ARL8B: variants seen among roughly 807,000 people sequenced by gnomAD.
The protein encoded by ARL8B is ARF like GTPase 8B, also known as ADP-ribosylation factor-like protein 8B.
In ARL8B, 9 loss-of-function variants were observed where a neutral mutation model predicts 30.6. The ratio of observed to expected loss-of-function variants is 0.29; its 90% CI spans 0.18 to 0.51. The LOEUF (loss-of-function observed/expected upper bound fraction) is 0.51, where lower values mean the gene tolerates loss of function less well. Ranked by LOEUF, ARL8B falls within the 20% of genes least tolerant of loss-of-function variation. The probability of loss-of-function intolerance (pLI) is 0.97; values close to 1 mark genes in which losing one functional copy is unlikely to be tolerated. For missense variants in ARL8B, 130 were observed against 227.2 expected (o/e 0.57, Z 2.75); for synonymous variants, 74 against 76.0 (o/e 0.97, Z 0.14).
chr3:5,138,608 CAT>C (rs1414271736), intron 1 of ARL8B, among the ~76,000 whole-genome samples: 1 of 152,184 alleles, frequency 6.6e-6, no homozygotes, highest in Non-Finnish European at 1.5e-5. Flanking sequence ...GCAGTCATCA[CAT>C]GTGATTGAAA....
At chr3:5,169,984 A>G (rs1223178818) in intron 1 of ARL8B, among the ~76,000 whole-genome samples, 2 of 152,234 alleles carry the variant, frequency 1.3e-5, no homozygotes, top group Non-Finnish European at 2.9e-5. Context: ...ATAGCAGACA[A>G]TACTCATGAC....
At position 5,152,951 on chromosome 3, in the gene ARL8B, A is replaced by G. The variant is rs529049204; in HGVS notation, c.124-17552A>G. Among the ~76,000 whole-genome samples the G allele has an allele frequency of 7.2e-5, 11 of 152,310 alleles. No homozygotes were observed. In the South Asian group the frequency reaches 2.3e-3, roughly 32 times the overall value. Reference sequence around the variant, plus strand: ...AGTATTTAGTTCAAATAATCATTTAATTATTTGTTTTCTGTTCAGTGCCTT... The same window carrying G: ...AGTATTTAGTTCAAATAATCATTTAGTTATTTGTTTTCTGTTCAGTGCCTT... On this transcript the variant is annotated intron_variant, in intron 1 of 6. Coordinates refer to ENST00000256496, the MANE Select transcript of ARL8B (RefSeq NM_018184.3).
intron 1 of ARL8B, among the ~76,000 whole-genome samples, chr3:5,163,482 T>C (rs1258998273): frequency 6.6e-6 from 1 of 152,240 alleles, no homozygotes; most frequent in Non-Finnish European, 1.5e-5. Flanking sequence ...GGATTGTCCA[T>C]AGTGTTCTGA....
intron 1 of ARL8B, among the ~76,000 whole-genome samples, chr3:5,163,206 C>T (rs963219562): frequency 2.6e-5 from 4 of 151,876 alleles, no homozygotes; most frequent in Non-Finnish European, 5.9e-5. Context: ...AGGCTGGTCT[C>T]GAACTCTTGA....
At chr3:5,122,912 C>T (rs900650553) in intron 1 of ARL8B, among the ~76,000 whole-genome samples, 48 of 152,292 alleles carry the variant, frequency 3.2e-4, no homozygotes, top group African/African-American at 7.9e-4. Context: ...TGGGGTTTCC[C>T]TTGGGTTTGC....
chr3:5,140,583 A>T (rs535304834), intron 1 of ARL8B, among the ~76,000 whole-genome samples: 1 of 150,992 alleles, frequency 6.6e-6, no homozygotes, highest in Non-Finnish European at 1.5e-5. Flanking sequence ...CAAAATTTCA[A>T]CACGTTAGTC....
chr3:5,161,257 C>G (rs2054577795), intron 1 of ARL8B, among the ~76,000 whole-genome samples: 2 of 152,128 alleles, frequency 1.3e-5, no homozygotes, highest in South Asian at 2.1e-4. Flanking sequence ...TCCCATAAGG[C>G]AAATCTGATT....
At chr3:5,160,668 A>G (rs2054572890) in intron 1 of ARL8B, among the ~76,000 whole-genome samples, 1 of 152,238 alleles carries the variant, frequency 6.6e-6, no homozygotes, top group Non-Finnish European at 1.5e-5. Context: ...TTCCTATGCC[A>G]TTACGCTTTA....
Position 5,178,533 on chromosome 3 carries a change from A to G in ARL8B, c.512-131A>G, listed in dbSNP as rs2054750488. ...TGAAGTTCGGGTAATGGAGTATGGT[A>G]ATGCAGATGCAGAAAAGCAGCAGAG... On this transcript the variant is annotated intron_variant, in intron 6 of 6. Transcript: ENST00000256496. 36 of 726,836 alleles carry G rather than the reference A, an allele frequency of 5.0e-5. No homozygotes were observed. In the South Asian group the frequency reaches 6.3e-4, roughly 13 times the overall value. The allele number at this position is 726,836 out of a possible 1,614,324, so 45.0% of individuals were successfully genotyped here. A position where few individuals can be genotyped will look rare whatever the true frequency, so the allele number is the denominator to read the frequency against.
intron 1 of ARL8B, among the ~76,000 whole-genome samples, chr3:5,146,475 T>C (rs1183107187): frequency 6.6e-6 from 1 of 152,198 alleles, no homozygotes; most frequent in African/African-American, 2.4e-5. Flanking sequence ...TTTTTCTCCC[T>C]TCAGTAGAAA....
At chr3:5,141,773 G>A (rs73099901) in intron 1 of ARL8B, among the ~76,000 whole-genome samples, 26,618 of 152,120 alleles carry the variant, frequency 0.17, 3,065 homozygotes, top group African/African-American at 0.31. Flanking sequence ...ATTACGTCTA[G>A]TGCAAGCCTG....
At chr3:5,143,962 T>TGG (rs1186847753) in intron 1 of ARL8B, among the ~76,000 whole-genome samples, 1 of 151,888 alleles carries the variant, frequency 6.6e-6, no homozygotes. Context: ...GGGAGACATT[T>TGG]CATTCAAGGC....
chr3:5,148,180 A>G (rs987069342), intron 1 of ARL8B, among the ~76,000 whole-genome samples: 1 of 152,010 alleles, frequency 6.6e-6, no homozygotes, highest in Non-Finnish European at 1.5e-5. Context: ...GGTCCTACGA[A>G]TTGGTCCAGC....
At chr3:5,164,212 G>A (rs905087583) in intron 1 of ARL8B, among the ~76,000 whole-genome samples, 9 of 151,998 alleles carry the variant, frequency 5.9e-5, no homozygotes, top group African/African-American at 2.2e-4. Context: ...GTAGTTCAAG[G>A]GTTAACTTTA....
intron 1 of ARL8B, among the ~76,000 whole-genome samples, chr3:5,125,313 G>C (rs141726452): frequency 1.3e-5 from 2 of 152,212 alleles, no homozygotes; most frequent in African/African-American, 4.8e-5. Flanking sequence ...AGGAACGATG[G>C]CTTGAAAAAT....
intron 1 of ARL8B, among the ~76,000 whole-genome samples, chr3:5,129,270 G>A (rs2054260490): frequency 6.6e-6 from 1 of 152,074 alleles, no homozygotes; most frequent in African/African-American, 2.4e-5. Context: ...CACCTCTCGG[G>A]TTCAAGCAAT....
At position 5,172,565 on chromosome 3, in the gene ARL8B, CA is replaced by C. The variant is rs547802254; in HGVS notation, c.279-77del. 531 of 973,734 alleles carry C rather than the reference CA, an allele frequency of 5.5e-4. 1 individual carries two copies. The African/African-American group carries it at 7.9e-3, about 14-fold the overall frequency. 60.3% of individuals were successfully genotyped at this position (973,734 alleles called of 1,614,324 possible). ...AATAATTTCAATAATGTAAATCTTA[CA>C]AAAATTAAAAATCAATAATACTAGT... On this transcript the variant is annotated intron_variant, in intron 3 of 6. Coordinates refer to ENST00000256496, the MANE Select transcript of ARL8B (RefSeq NM_018184.3).
chr3:5,146,692 T>C (rs1179692048), intron 1 of ARL8B, among the ~76,000 whole-genome samples: 1 of 152,182 alleles, frequency 6.6e-6, no homozygotes, highest in Non-Finnish European at 1.5e-5. Context: ...CAATCAGGTC[T>C]CCACCCAGGA....
intron 1 of ARL8B, among the ~76,000 whole-genome samples, chr3:5,158,579 A>G (rs1286928791): frequency 6.6e-5 from 10 of 152,246 alleles, no homozygotes; most frequent in Non-Finnish European, 1.2e-4. Context: ...GGCAAGAGGT[A>G]ACGTCAGAGT....
Sources: allele counts gnomAD v4.1 joint callset (sites outside exome capture counted in the v4.1 genomes callset), GRCh38; gene constraint gnomAD v4.1.1; transcripts MANE v1.5; gene names NCBI Gene and HGNC (gene_info 2026-07-23, HGNC 2026-07-21).